Variants in TENM2 observed in about 807,000 individuals in gnomAD.
The protein encoded by TENM2 is teneurin-2.
In TENM2, 52 loss-of-function variants were observed where a neutral mutation model predicts 245.2. That is an observed-to-expected ratio of 0.21 (90% confidence interval 0.17 to 0.27). The LOEUF (loss-of-function observed/expected upper bound fraction) is 0.27. TENM2 is among the 10% of genes least tolerant of loss of function. The pLI is 1.00. For synonymous variants in TENM2, 1,363 were observed against 1,438.9 expected (o/e 0.95, Z 1.19); for missense variants, 3,046 against 3,666.8 (o/e 0.83, Z 4.37).
At chr5:167,024,112 C>G in the TENM2 span, among the ~76,000 whole-genome samples, 1 of 152,232 alleles carries the variant, frequency 6.6e-6, no homozygotes, top group Middle Eastern at 3.4e-3. Flanking sequence ...ATAGGCTATT[C>G]AAGCAAACTG....
At chr5:167,499,119 C>A (rs1769009858) in intron 2 of TENM2, among the ~76,000 whole-genome samples, 1 of 152,136 alleles carries the variant, frequency 6.6e-6, no homozygotes, top group Admixed American at 6.6e-5. Flanking sequence ...CCCAATGCAA[C>A]TTCTGGTCCC....
chr5:168,259,976 A>C (rs1220707240), intron 27 of TENM2, among the ~76,000 whole-genome samples: 1 of 152,238 alleles, frequency 6.6e-6, no homozygotes, highest in Non-Finnish European at 1.5e-5. Context: ...CCTAAGGCTC[A>C]GAGTGGGGCT....
chr5:167,211,117 T>C, the TENM2 span, among the ~76,000 whole-genome samples: 3 of 152,238 alleles, frequency 2.0e-5, no homozygotes, highest in African/African-American at 7.2e-5. Flanking sequence ...CTTTTGGTAT[T>C]ATTTCTTGTC....
chr5:167,940,223 C>G (rs1372104062), intron 3 of TENM2, among the ~76,000 whole-genome samples: 2 of 152,122 alleles, frequency 1.3e-5, no homozygotes, highest in African/African-American at 4.8e-5. Flanking sequence ...GAATTTGGAG[C>G]ATTTCTCCAA....
intron 10 of TENM2, 126 bp downstream of exon 12, chr5:168,118,612 C>T (rs988054224): frequency 9.7e-6 from 6 of 620,318 alleles, no homozygotes; most frequent in African/African-American, 1.8e-5. Flanking sequence ...TTGCACAAAA[C>T]AACTTCAAAC....
At chr5:167,371,523 G>A (rs561585664) in intron 1 of TENM2, among the ~76,000 whole-genome samples, 4 of 151,662 alleles carry the variant, frequency 2.6e-5, no homozygotes, top group South Asian at 2.1e-4. Flanking sequence ...CACCACACCC[G>A]GCTAATTTTG....
chr5:168,065,038 G>A (rs1412305903), intron 7 of TENM2, among the ~76,000 whole-genome samples: 1 of 152,070 alleles, frequency 6.6e-6, no homozygotes, highest in South Asian at 2.1e-4. Flanking sequence ...ATTTTTATTG[G>A]TATATCCTAT....
Position 168,141,858 on chromosome 5 carries a change from A to C in TENM2, c.2422+14892A>C, listed in dbSNP as rs576913277. 3.3e-5 allele frequency among the ~76,000 whole-genome samples: 5 copies of C among 152,324 alleles called. No homozygotes were observed. In the East Asian group the frequency reaches 7.7e-4, roughly 23 times the overall value. On this transcript the variant is annotated intron_variant, in intron 12 of 28. Coordinates refer to ENST00000518659, the Ensembl canonical transcript of TENM2. ...TGTATCTTCATTCATCATGCCTCTC[A>C]AAGCGTCAGACGGATCAGTCATAAT...
chr5:168,112,607 G>A (rs534766649), intron 9 of TENM2, among the ~76,000 whole-genome samples: 8 of 27,500 alleles, frequency 2.9e-4, no homozygotes, highest in Non-Finnish European at 6.2e-4. Flanking sequence ...TGCAGTGGGC[G>A]GGGGGGGGGT....
At chr5:167,935,855 C>A (rs1306686052) in intron 3 of TENM2, among the ~76,000 whole-genome samples, 1 of 152,158 alleles carries the variant, frequency 6.6e-6, no homozygotes, top group East Asian at 1.9e-4. Flanking sequence ...TGGCAACATG[C>A]AGAGCTGTGC....
the TENM2 span, among the ~76,000 whole-genome samples, chr5:167,269,605 C>G: frequency 6.6e-6 from 1 of 151,630 alleles, no homozygotes; most frequent in Non-Finnish European, 1.5e-5. Context: ...GTCAGTCCTC[C>G]CTCCCCTACC....
chr5:167,337,654 GA>G (rs1757860316), intron 1 of TENM2, among the ~76,000 whole-genome samples: 1 of 152,134 alleles, frequency 6.6e-6, no homozygotes, highest in Admixed American at 6.5e-5. Flanking sequence ...AGATGAATGG[GA>G]TAACTCTAAA....
At chr5:168,108,521 A>G (rs1205608184) in intron 9 of TENM2, among the ~76,000 whole-genome samples, 1 of 152,222 alleles carries the variant, frequency 6.6e-6, no homozygotes, top group African/African-American at 2.4e-5. Context: ...CACGTATTAA[A>G]TGTTAGCTAG....
chr5:168,160,466 G>A (rs1037301131), intron 12 of TENM2, among the ~76,000 whole-genome samples: 1 of 152,176 alleles, frequency 6.6e-6, no homozygotes, highest in African/African-American at 2.4e-5. Flanking sequence ...TGGACTTAGT[G>A]CCAGGCTGTG....
At chr5:167,722,538 G>C (rs1018706293) in intron 2 of TENM2, among the ~76,000 whole-genome samples, 2 of 151,966 alleles carry the variant, frequency 1.3e-5, no homozygotes, top group African/African-American at 4.8e-5. Context: ...GGGTGAAAAA[G>C]AAAAAGGGAT....
chr5:167,648,182 A>G (rs1057235091), intron 2 of TENM2, among the ~76,000 whole-genome samples: 6 of 152,248 alleles, frequency 3.9e-5, no homozygotes, highest in African/African-American at 1.4e-4. Flanking sequence ...CATTCTGCAC[A>G]GAGACTGACC....
the TENM2 span, among the ~76,000 whole-genome samples, chr5:167,184,202 A>G: frequency 1.3e-5 from 2 of 152,200 alleles, no homozygotes; most frequent in Admixed American, 6.5e-5. Flanking sequence ...TTTGAATCAG[A>G]AAATAGGGGG....
chr5:167,986,235 C>T (rs1783238325), intron 4 of TENM2, among the ~76,000 whole-genome samples: 1 of 152,164 alleles, frequency 6.6e-6, no homozygotes, highest in Non-Finnish European at 1.5e-5. Flanking sequence ...GTATGCTTCT[C>T]AGTTTTTATT....
chr5:168,146,345 A>G (rs563210709), intron 12 of TENM2, among the ~76,000 whole-genome samples: 127 of 152,270 alleles, frequency 8.3e-4, no homozygotes, highest in Non-Finnish European at 1.6e-3. Context: ...ATGAAAAAAA[A>G]AAGTTGAGAA....
Sources: gnomAD v4.1 joint callset for allele counts (sites outside exome capture counted in the v4.1 genomes callset) on GRCh38, gnomAD v4.1.1 for gene constraint, MANE v1.5 for transcripts, NCBI Gene and HGNC (gene_info 2026-07-23, HGNC 2026-07-21) for gene names.